The following METAP2 variants were observed in gnomAD, a reference collection of about 807,000 sequenced individuals.
METAP2 encodes the protein methionine aminopeptidase 2.
In METAP2, 25 loss-of-function variants were observed where a neutral mutation model predicts 59.4. The ratio of observed to expected loss-of-function variants is 0.42; its 90% CI spans 0.31 to 0.59. The LOEUF is 0.59. METAP2 is among the 20% of genes least tolerant of loss of function. The pLI is 0.16. For synonymous variants in METAP2, 214 were observed against 194.1 expected, an observed-to-expected ratio of 1.10 and a Z score of -0.85; for missense variants, 366 against 581.2, an observed-to-expected ratio of 0.63 and a Z score of 3.81.
intron 4 of METAP2, among the ~76,000 whole-genome samples, chr12:95,493,845 T>G (rs1346092626): frequency 6.6e-6 from 1 of 152,204 alleles, no homozygotes; most frequent in Non-Finnish European, 1.5e-5. Flanking sequence ...CACATGAGGG[T>G]TTTTTTCCCT....
intron 4 of METAP2, among the ~76,000 whole-genome samples, chr12:95,490,302 A>C (rs1195920642): frequency 1.4e-5 from 2 of 141,264 alleles, no homozygotes; most frequent in Non-Finnish European, 3.0e-5. Flanking sequence ...GAGCCATTTG[A>C]GATCAGACTG....
At chr12:95,476,539 A>AGAGAGAGAGAGAGAGAG (rs773224806) in intron 2 of METAP2, among the ~76,000 whole-genome samples, 46 of 148,660 alleles carry the variant, frequency 3.1e-4, no homozygotes, top group African/African-American at 5.5e-4. Flanking sequence ...AGAAAGAAAG[A>AGAGAGAGAGAGAGAGAG]AAAGCTAGAA....
At chr12:95,493,726 T>C (rs917952356) in intron 4 of METAP2, among the ~76,000 whole-genome samples, 48 of 152,244 alleles carry the variant, frequency 3.2e-4, no homozygotes, top group South Asian at 6.2e-4. Flanking sequence ...AGTGGAAGGA[T>C]GACTTTTTCC....
chr12:95,474,531 G>A (rs1212047828), intron 1 of METAP2, among the ~76,000 whole-genome samples: 1 of 152,194 alleles, frequency 6.6e-6, no homozygotes, highest in Non-Finnish European at 1.5e-5. Context: ...AGGGCTGGTG[G>A]GGGAGAAAAG....
intron 7 of METAP2, 94 bp downstream of exon 7, chr12:95,496,192 G>A: frequency 1.4e-6 from 1 of 698,450 alleles, no homozygotes; most frequent in Non-Finnish European, 2.4e-6. Context: ...TTTAAGGCCT[G>A]TTTAAGGGCT....
intron 8 of METAP2, among the ~76,000 whole-genome samples, chr12:95,507,214 T>G (rs1386168849): frequency 6.6e-6 from 1 of 152,362 alleles, no homozygotes; most frequent in East Asian, 1.9e-4. Context: ...GTAGGGTTAA[T>G]GGTATCTAGT....
chr12:95,485,789 T>G, intron 3 of METAP2, 90 bp from the exon 4 acceptor site: 1 of 832,582 alleles, frequency 1.2e-6, no homozygotes, highest in Non-Finnish European at 1.8e-6. Flanking sequence ...AATCAGAACA[T>G]ATAACAACCA....
chr12:95,476,241 A>G, intron 2 of METAP2, 63 bp downstream of exon 2: 1 of 1,058,292 alleles, frequency 9.4e-7, no homozygotes, highest in Non-Finnish European at 1.4e-6. Flanking sequence ...GTGTGGTGGC[A>G]CACACCTGTA....
At chr12:95,481,579 C>T (rs990211133) in intron 2 of METAP2, among the ~76,000 whole-genome samples, 2 of 152,184 alleles carry the variant, frequency 1.3e-5, no homozygotes, top group African/African-American at 4.8e-5. Context: ...GCACAAAGTT[C>T]TATAAATGGT....
chr12:95,478,109 G>A (rs1035480480), intron 2 of METAP2, among the ~76,000 whole-genome samples: 9 of 151,622 alleles, frequency 5.9e-5, no homozygotes, highest in Non-Finnish European at 1.3e-4. Context: ...GTCTATACCC[G>A]TCCACCTCCC....
At chr12:95,475,650 T>C (rs2076112767) in intron 1 of METAP2, among the ~76,000 whole-genome samples, 1 of 152,210 alleles carries the variant, frequency 6.6e-6, no homozygotes, top group Non-Finnish European at 1.5e-5. Flanking sequence ...ATTTTGACTT[T>C]ACCCAGCCCA....
In METAP2 at chr12:95,514,081, C is replaced by T. The variant is rs184137356; in HGVS notation, c.*177C>T. On this transcript the variant is annotated 3_prime_UTR_variant, in exon 11 of 11. Transcript: ENST00000323666. Reference sequence around the variant, plus strand: ...CAAACCGTCTAATGTAATTAACCAACGAAAAAGCTTTCCGGACTTTTAAAT... The same window carrying T: ...CAAACCGTCTAATGTAATTAACCAATGAAAAAGCTTTCCGGACTTTTAAAT... The T allele has an allele frequency of 1.6e-5, 11 of 683,616 alleles. No homozygotes were observed. Among genetic ancestry groups the T allele is most frequent in the African/African-American group, 7.4e-5 (4 of 53,948 alleles). The allele number at this position is 683,616 out of a possible 1,614,324, so 42.3% of individuals were successfully genotyped here. A position where few individuals can be genotyped will look rare whatever the true frequency, so the allele number is the denominator to read the frequency against.
At chr12:95,487,475 G>A (rs923042853) in intron 4 of METAP2, among the ~76,000 whole-genome samples, 1 of 151,904 alleles carries the variant, frequency 6.6e-6, no homozygotes, top group African/African-American at 2.4e-5. Context: ...ATCGTCAATT[G>A]TCCCTATCTT....
At chr12:95,487,208 A>G (rs535596713) in intron 4 of METAP2, among the ~76,000 whole-genome samples, 6 of 152,342 alleles carry the variant, frequency 3.9e-5, no homozygotes, top group African/African-American at 1.4e-4. Context: ...GACATTGATC[A>G]GTGTGTTTTA....
At position 95,495,114 on chromosome 12, in the gene METAP2, A is replaced by C. The variant is rs752110034; in HGVS notation, c.748A>C (p.Ile250Leu). The change falls in exon 6 of 11, where the codon ATA becomes CTA. Residue 250 changes from isoleucine (I) to leucine (L), a missense_variant. Ile to Leu is a conservative substitution (Grantham distance 5). Around this residue, in one of 4 missense-constraint regions of METAP2, gnomAD observed 106 missense variants for 221.9 expected, o/e 0.48. Coordinates refer to ENST00000323666, the MANE Select transcript of METAP2 (RefSeq NM_006838.4). ...TVLQYDDICK[I>L]DFGTHISGRI... ...ATTACAGTATGATGACATCTGTAAA[A>C]TAGACTTTGGAACACATATAAGTGG... 38 of 1,612,938 alleles carry C rather than the reference A, an allele frequency of 2.4e-5. No individual in the cohort carries two copies. Among genetic ancestry groups the C allele is most frequent in the Non-Finnish European group, 3.1e-5 (36 of 1,179,300 alleles).
At chr12:95,504,221 T>C (rs2769469) in intron 8 of METAP2, 60 bp downstream of exon 8, 933,992 of 1,157,424 alleles carry the variant, frequency 0.81, 380,009 homozygotes, top group East Asian at 1. Context: ...TTGTCGAGTG[T>C]TTTCTTTGGG....
At chr12:95,498,005 C>T (rs1028223615) in intron 7 of METAP2, among the ~76,000 whole-genome samples, 19 of 151,418 alleles carry the variant, frequency 1.3e-4, no homozygotes, top group African/African-American at 4.6e-4. Context: ...TGGTGGCGGG[C>T]GCCTGTGGTC....
At chr12:95,482,160 CG>C (rs2076163273) in intron 2 of METAP2, 1 of 452,594 alleles carries the variant, frequency 2.2e-6, no homozygotes, top group African/African-American at 2.0e-5. Context: ...CCCAGGCTGA[CG>C]TGCTGTGGCT....
At chr12:95,512,729 A>C in intron 9 of METAP2, 72 bp from the exon 10 acceptor site, 1 of 825,196 alleles carries the variant, frequency 1.2e-6, no homozygotes, top group Non-Finnish European at 2.0e-6. Context: ...AGAGAGAGAA[A>C]GAGAGATGGT....
Sources: allele counts gnomAD v4.1 joint callset (sites outside exome capture counted in the v4.1 genomes callset), GRCh38; gene constraint gnomAD v4.1.1; regional missense constraint gnomAD v4.1.1; transcripts MANE v1.5; gene names NCBI Gene and HGNC (gene_info 2026-07-23, HGNC 2026-07-21).